The following PKNOX2 variants were observed in gnomAD, a reference collection of about 807,000 sequenced individuals.
PKNOX2 encodes the protein PBX/knotted 1 homeobox 2.
PKNOX2 carries 14 observed loss-of-function variants against 53.1 expected under a neutral mutation model. The observed-to-expected ratio is 0.26, with a 90% CI of 0.17 to 0.41. The LOEUF is 0.41. PKNOX2 is among the 10% of genes least tolerant of loss of function. PKNOX2 has a pLI of 1.00. For synonymous variants in PKNOX2, 257 were observed against 242.8 expected (o/e 1.06, Z -0.54); for missense variants, 496 against 602.8 (o/e 0.82, Z 1.85).
intron 2 of PKNOX2, among the ~76,000 whole-genome samples, chr11:125,293,009 G>A (rs1395044910): frequency 6.6e-6 from 1 of 152,170 alleles, no homozygotes; most frequent in Non-Finnish European, 1.5e-5. Context: ...CAACCCCAAA[G>A]GGAAAAAGCA....
chr11:125,199,098 C>A (rs1009913969), intron 1 of PKNOX2, among the ~76,000 whole-genome samples: 1 of 152,214 alleles, frequency 6.6e-6, no homozygotes, highest in Non-Finnish European at 1.5e-5. Flanking sequence ...TCCTCGGCCT[C>A]CCAAAGTGCT....
Position 125,248,818 on chromosome 11 carries a change from TG to T in PKNOX2, c.-130+13704del, listed in dbSNP as rs1943759904. 2.0e-5 allele frequency among the ~76,000 whole-genome samples: 3 copies of T among 147,324 alleles called. No individual in the cohort carries two copies. In the South Asian group the frequency reaches 6.3e-4, roughly 31 times the overall value. On this transcript the variant is annotated intron_variant, in intron 2 of 12. Coordinates refer to ENST00000298282, the MANE Select transcript of PKNOX2 (RefSeq NM_001382323.2). Reference sequence around the variant, plus strand: ...CTCACTATGTTGCCCAGGGTGGACTTGAATTGCCCTCAAGTGATCCTCCATC... The same window carrying T: ...CTCACTATGTTGCCCAGGGTGGACTTAATTGCCCTCAAGTGATCCTCCATC...
At chr11:125,307,491 G>A (rs1409325447) in intron 2 of PKNOX2, among the ~76,000 whole-genome samples, 2 of 152,184 alleles carry the variant, frequency 1.3e-5, no homozygotes, top group African/African-American at 4.8e-5. Flanking sequence ...CTGGGAGGTA[G>A]AGGTTGCAGT....
intron 1 of PKNOX2, among the ~76,000 whole-genome samples, chr11:125,182,135 A>G (rs931906901): frequency 6.6e-6 from 1 of 152,236 alleles, no homozygotes; most frequent in East Asian, 1.9e-4. Context: ...TAAAGCACAA[A>G]GAAGTCTCAG....
At chr11:125,199,717 G>A (rs775636174) in intron 1 of PKNOX2, among the ~76,000 whole-genome samples, 2 of 152,174 alleles carry the variant, frequency 1.3e-5, no homozygotes, top group African/African-American at 2.4e-5. Flanking sequence ...GTGGTGGCAG[G>A]TGCCTGTAAT....
At chr11:125,231,459 G>A (rs948103162) in intron 1 of PKNOX2, among the ~76,000 whole-genome samples, 5 of 152,046 alleles carry the variant, frequency 3.3e-5, no homozygotes, top group African/African-American at 4.8e-5. Flanking sequence ...TTATTTTCAC[G>A]ATGAATAAGA....
intron 3 of PKNOX2, among the ~76,000 whole-genome samples, chr11:125,332,240 C>T (rs1009721109): frequency 6.6e-6 from 1 of 151,880 alleles, no homozygotes; most frequent in Non-Finnish European, 1.5e-5. Context: ...ACATTTGTAC[C>T]GCCCTCTGGA....
At chr11:125,190,011 C>T (rs662809) in intron 1 of PKNOX2, 31,218 of 152,010 alleles carry the variant, frequency 0.21, 3,798 homozygotes, top group South Asian at 0.33. Flanking sequence ...CTGCAACCTC[C>T]GCCTCCTGGG....
intron 1 of PKNOX2, among the ~76,000 whole-genome samples, chr11:125,213,752 C>T (rs991460351): frequency 6.6e-6 from 1 of 152,118 alleles, no homozygotes; most frequent in African/African-American, 2.4e-5. Context: ...GCCACTGTGC[C>T]TGGCCCAAAA....
intron 2 of PKNOX2, among the ~76,000 whole-genome samples, chr11:125,299,228 C>T (rs770653453): frequency 9.9e-5 from 15 of 152,150 alleles, no homozygotes; most frequent in Non-Finnish European, 1.6e-4. Flanking sequence ...AGCACCAAGC[C>T]GTTCATGAGG....
chr11:125,267,506 G>A (rs187769861), intron 2 of PKNOX2, among the ~76,000 whole-genome samples: 1 of 152,324 alleles, frequency 6.6e-6, no homozygotes, highest in East Asian at 1.9e-4. Flanking sequence ...TGCTTAGAGG[G>A]ATTCTGCTCT....
intron 1 of PKNOX2, among the ~76,000 whole-genome samples, chr11:125,185,321 C>T (rs1956388255): frequency 6.6e-6 from 1 of 152,090 alleles, no homozygotes; most frequent in Admixed American, 6.6e-5. Flanking sequence ...AGAAATTACA[C>T]AATTACACTC....
intron 3 of PKNOX2, among the ~76,000 whole-genome samples, chr11:125,349,748 C>T (rs932694081): frequency 2.0e-5 from 3 of 151,858 alleles, no homozygotes; most frequent in African/African-American, 4.8e-5. Flanking sequence ...GTGCTTTTTG[C>T]AGAAGGTCAA....
chr11:125,398,594 G>A (rs1364739773), intron 7 of PKNOX2, among the ~76,000 whole-genome samples: 1 of 152,208 alleles, frequency 6.6e-6, no homozygotes, highest in Non-Finnish European at 1.5e-5. Context: ...CTAAGGTTCA[G>A]GGCCATGGTC....
rs970687600 is a variant in PKNOX2 at position 125,211,330 on chromosome 11, G to A, written c.-200-23715G>A. ...TGTATTTTTATGTATTCCTTTATTT[G>A]TTCAGTCATTCATTCTACAAATATT... On this transcript the variant is annotated intron_variant, in intron 1 of 12. Transcript: ENST00000298282. Among the ~76,000 whole-genome samples, 12 of 152,024 alleles carry A rather than the reference G, an allele frequency of 7.9e-5. 1 individual carries two copies. Among genetic ancestry groups the A allele is most frequent in the Admixed American group, 6.6e-5 (1 of 15,260 alleles).
chr11:125,347,768 C>T (rs986685278), intron 3 of PKNOX2, among the ~76,000 whole-genome samples: 2 of 152,146 alleles, frequency 1.3e-5, no homozygotes, highest in Admixed American at 6.5e-5. Flanking sequence ...TAGAATTTTT[C>T]CCTCCTAGAT....
At position 125,339,720 on chromosome 11, in the gene PKNOX2, G is replaced by A. The variant is rs544274658; in HGVS notation, c.-23+7795G>A. Among the ~76,000 whole-genome samples, 141 of 152,352 alleles carry A rather than the reference G, an allele frequency of 9.3e-4. 1 individual carries two copies. The highest frequency in any genetic ancestry group is 3.4e-3 in the Middle Eastern group (1 of 294). ...GATTCAGAGCCCTGGCCCCAGAGCC[G>A]CCAAGAGCAGGGTGAGGCACAGACA... On this transcript the variant is annotated intron_variant, in intron 3 of 12. Transcript: ENST00000298282.
intron 2 of PKNOX2, among the ~76,000 whole-genome samples, chr11:125,326,496 A>G (rs1021760976): frequency 3.9e-5 from 6 of 152,218 alleles, no homozygotes; most frequent in African/African-American, 1.4e-4. Context: ...AGAAATATCA[A>G]TTTTGTCTTT....
intron 7 of PKNOX2, among the ~76,000 whole-genome samples, chr11:125,408,475 G>A (rs1483916787): frequency 6.6e-6 from 1 of 152,206 alleles, no homozygotes; most frequent in Non-Finnish European, 1.5e-5. Context: ...CCACCCGGAG[G>A]AGCCACACCA....
Sources: gnomAD v4.1 joint callset for allele counts (sites outside exome capture counted in the v4.1 genomes callset) on GRCh38, gnomAD v4.1.1 for gene constraint, MANE v1.5 for transcripts, NCBI Gene and HGNC (gene_info 2026-07-23, HGNC 2026-07-21) for gene names.